RNF144A: variants seen among roughly 807,000 people sequenced by gnomAD.
The protein encoded by RNF144A is ring finger protein 144A.
In RNF144A, 11 loss-of-function variants were observed where a neutral mutation model predicts 38.7. The observed-to-expected ratio is 0.28, with a 90% CI of 0.18 to 0.47. The LOEUF (loss-of-function observed/expected upper bound fraction) is 0.47. Among genes scored for constraint, RNF144A ranks in the 20% least tolerant of loss-of-function variants. RNF144A has a pLI of 0.99. For missense variants in RNF144A, 316 were observed against 377.2 expected, an observed-to-expected ratio of 0.84 and a Z score of 1.34; for synonymous variants, 149 against 143.9, an observed-to-expected ratio of 1.04 and a Z score of -0.25.
chr2:7,022,408 ATGT>A (rs1354637301), intron 6 of RNF144A, among the ~76,000 whole-genome samples: 1 of 152,236 alleles, frequency 6.6e-6, no homozygotes, highest in Non-Finnish European at 1.5e-5. Context: ...TTTACAGTAA[ATGT>A]TGTTAGTAAT....
chr2:7,039,972 A>G lies in RNF144A; in HGVS notation c.*212A>G, dbSNP rs560973636. 27 of 1,377,838 alleles carry G rather than the reference A, an allele frequency of 2.0e-5. No homozygotes were observed. The African/African-American group carries it at 3.4e-4, about 17-fold the overall frequency. 85.4% of individuals were successfully genotyped at this position (1,377,838 alleles called of 1,614,324 possible). A position where few individuals can be genotyped will look rare whatever the true frequency, so the allele number is the denominator to read the frequency against. ...GTGGGGAGGGGAGGCAGGTGTGGGTAGCGCACATCCCCACAGATCAATCTC... is the reference window on the plus strand; with the variant it reads ...GTGGGGAGGGGAGGCAGGTGTGGGTGGCGCACATCCCCACAGATCAATCTC... On this transcript the variant is annotated 3_prime_UTR_variant, in exon 9 of 9. Coordinates refer to ENST00000320892, the MANE Select transcript of RNF144A (RefSeq NM_014746.6).
chr2:7,026,902 A>G (rs1208878941), intron 7 of RNF144A, among the ~76,000 whole-genome samples: 5 of 152,232 alleles, frequency 3.3e-5, no homozygotes, highest in Non-Finnish European at 5.9e-5. Flanking sequence ...ATGGCCGTGC[A>G]GAGTTTCCTG....
intron 2 of RNF144A, among the ~76,000 whole-genome samples, chr2:6,982,720 C>CT (rs1482708639): frequency 2.6e-5 from 4 of 152,286 alleles, no homozygotes; most frequent in Non-Finnish European, 5.9e-5. Flanking sequence ...AAAGTGGCAA[C>CT]TTCATGGATC....
At chr2:6,938,549 T>C (rs1188103711) in intron 1 of RNF144A, among the ~76,000 whole-genome samples, 2 of 152,074 alleles carry the variant, frequency 1.3e-5, no homozygotes, top group Non-Finnish European at 2.9e-5. Context: ...CCCGGCCTCT[T>C]TCTTTCTTTT....
At chr2:7,047,844 T>C (rs1254979310), downstream of RNF144A, among the ~76,000 whole-genome samples, 1 of 152,208 alleles carries the variant, frequency 6.6e-6, no homozygotes, top group Admixed American at 6.5e-5. Flanking sequence ...CTTATCTTCA[T>C]ATCACTGGGG....
At chr2:6,918,033 G>T (rs1472331587) in intron 1 of RNF144A, among the ~76,000 whole-genome samples, 1 of 152,012 alleles carries the variant, frequency 6.6e-6, no homozygotes, top group Admixed American at 6.5e-5. Context: ...GGCGGCGGGG[G>T]CTTTCAAGGT....
chr2:7,032,491 G>C (rs779455639), intron 8 of RNF144A, among the ~76,000 whole-genome samples: 3 of 152,258 alleles, frequency 2.0e-5, no homozygotes, highest in Non-Finnish European at 4.4e-5. Flanking sequence ...TGAAATCGAG[G>C]TGTCAGCAGG....
At position 7,041,061 on chromosome 2, in the gene RNF144A, T is replaced by C. The variant is rs945878713; in HGVS notation, c.*1301T>C. 4 of 985,218 alleles carry C rather than the reference T, an allele frequency of 4.1e-6. No individual in the cohort carries two copies. In the African/African-American group the frequency reaches 7.0e-5, roughly 17 times the overall value. The allele number at this position is 985,218 out of a possible 1,614,324, so 61.0% of individuals were successfully genotyped here. On this transcript the variant is annotated 3_prime_UTR_variant, in exon 9 of 9. Coordinates refer to ENST00000320892, the MANE Select transcript of RNF144A (RefSeq NM_014746.6). ...GTGTATTCTTTAAAGAGAATTTACT[T>C]CTAAAAGCCACAGGTGCTTTTACAA...
chr2:7,061,192 G>A (rs372464218), intron 6 of RNF144A, among the ~76,000 whole-genome samples: 9 of 152,204 alleles, frequency 5.9e-5, no homozygotes, highest in African/African-American at 1.7e-4. Flanking sequence ...ATTAATTCCC[G>A]ACGTCCAGGC....
At chr2:6,984,535 C>G (rs1252331786) in intron 2 of RNF144A, among the ~76,000 whole-genome samples, 1 of 152,174 alleles carries the variant, frequency 6.6e-6, no homozygotes, top group African/African-American at 2.4e-5. Flanking sequence ...AGCTCCTGAC[C>G]TCATGATCCG....
chr2:6,955,327 C>T (rs1010117406), intron 2 of RNF144A, among the ~76,000 whole-genome samples: 4 of 152,126 alleles, frequency 2.6e-5, no homozygotes, highest in South Asian at 2.1e-4. Context: ...ATAAGTTTAG[C>T]GCCCCTGTGA....
chr2:7,067,365 C>T (rs528089233), intron 6 of RNF144A, among the ~76,000 whole-genome samples: 1 of 152,258 alleles, frequency 6.6e-6, no homozygotes, highest in Admixed American at 6.5e-5. Flanking sequence ...AGAGAGATCA[C>T]CACAATAGCT....
At chr2:6,956,646 A>C (rs1194693794) in intron 2 of RNF144A, among the ~76,000 whole-genome samples, 1 of 152,106 alleles carries the variant, frequency 6.6e-6, no homozygotes, top group African/African-American at 2.4e-5. Flanking sequence ...TGCTTGGCTT[A>C]CTGTTAATCT....
At chr2:6,995,614 G>C (rs180812995) in intron 2 of RNF144A, among the ~76,000 whole-genome samples, 13 of 152,296 alleles carry the variant, frequency 8.5e-5, no homozygotes, top group South Asian at 4.1e-4. Flanking sequence ...TCCGATGTTC[G>C]AGGGCAGAAA....
rs528483885 is a variant in RNF144A, at chr2:6,938,351, G to A, written c.-211-2597G>A. Among the ~76,000 whole-genome samples the A allele has an allele frequency of 2.5e-3, 376 of 150,108 alleles. 2 individuals are homozygous for A. Among genetic ancestry groups the A allele is most frequent in the African/African-American group, 8.5e-3 (348 of 40,862 alleles). On this transcript the variant is annotated intron_variant, in intron 1 of 8. Transcript: ENST00000320892. ...CAACCTCTGCCTCCTGCGTTCAAGC[G>A]ATTCTCCTGCCTCAGCCTCCCATGT...
chr2:7,031,134 A>G (rs995362136), intron 8 of RNF144A, among the ~76,000 whole-genome samples: 7 of 151,730 alleles, frequency 4.6e-5, no homozygotes, highest in African/African-American at 7.3e-5. Flanking sequence ...CCTGGTTCCT[A>G]ACAGGCTACA....
At chr2:6,960,647 C>G (rs1256740738) in intron 2 of RNF144A, among the ~76,000 whole-genome samples, 1 of 152,184 alleles carries the variant, frequency 6.6e-6, no homozygotes, top group Non-Finnish European at 1.5e-5. Flanking sequence ...GTAGATCAGG[C>G]ATGTATTTCA....
chr2:6,988,252 G>C (rs1046765966), intron 2 of RNF144A, among the ~76,000 whole-genome samples: 1 of 152,178 alleles, frequency 6.6e-6, no homozygotes, highest in Non-Finnish European at 1.5e-5. Flanking sequence ...AACGTCTTGC[G>C]TTAGTTTAGT....
chr2:6,918,982 C>T (rs1022035951), intron 1 of RNF144A, among the ~76,000 whole-genome samples: 9 of 152,140 alleles, frequency 5.9e-5, no homozygotes, highest in African/African-American at 2.2e-4. Flanking sequence ...GGAAGGAGGA[C>T]ATGCCCCAGT....
Sources: gnomAD v4.1 joint callset for allele counts (sites outside exome capture counted in the v4.1 genomes callset) on GRCh38, gnomAD v4.1.1 for gene constraint, MANE v1.5 for transcripts, NCBI Gene and HGNC (gene_info 2026-07-23, HGNC 2026-07-21) for gene names.